Variants in GRM5 observed in about 807,000 individuals in gnomAD.
GRM5 encodes the protein metabotropic glutamate receptor 5.
Under a neutral mutation model 83.1 loss-of-function variants are expected in GRM5, and 19 were observed. That is an observed-to-expected ratio of 0.23 (90% CI 0.16 to 0.34). The LOEUF is 0.34. Ranked by LOEUF, GRM5 falls within the 10% of genes least tolerant of loss-of-function variation. GRM5 has a pLI of 1.00. For synonymous variants in GRM5, 675 were observed against 633.6 expected (o/e 1.07, Z -0.98); for missense variants, 1,160 against 1,588.3 (o/e 0.73, Z 4.58).
chr11:88,849,994 C>A lies in GRM5; in HGVS notation c.823G>T (p.Ala275Ser). The A allele has an allele frequency of 6.2e-7, 1 of 1,613,926 alleles. No individual in the cohort carries two copies. The highest frequency in any genetic ancestry group is 8.5e-7 in the Non-Finnish European group (1 of 1,179,806). The change falls in exon 3 of 10, where the codon GCC becomes TCC. Residue 275 changes from alanine (A) to serine (S), a missense_variant. By Grantham distance (99) the Ala-to-Ser change is moderately conservative. Around this residue, in one of 9 missense-constraint regions of GRM5, gnomAD observed 84 missense variants for 231.0 expected, o/e 0.36. Coordinates refer to ENST00000305447, the MANE Select transcript of GRM5 (RefSeq NM_001143831.3). The stretch of plus-strand genomic sequence containing the variant: ...ACCGTCATGCCCTCACAGAAGCAGG[C>A]CACCACCCGGGCCTTGGGCAAGTGA... ...TSHLPKARVV[A>S]CFCEGMTVRG...
chr11:88,611,920 T>C (rs956377728), intron 4 of GRM5, among the ~76,000 whole-genome samples: 10 of 152,094 alleles, frequency 6.6e-5, no homozygotes, highest in African/African-American at 2.4e-4. Context: ...TGGTATGTTA[T>C]GCCTTTGTTT....
intron 2 of GRM5, chr11:88,984,965 A>T: frequency 1.8e-6 from 1 of 570,310 alleles, no homozygotes; most frequent in East Asian, 2.9e-5. Flanking sequence ...TTCTAATCAC[A>T]GTATTATGTG....
At chr11:88,880,640 G>A (rs372860574) in intron 2 of GRM5, among the ~76,000 whole-genome samples, 2 of 152,124 alleles carry the variant, frequency 1.3e-5, no homozygotes, top group Admixed American at 1.3e-4. Context: ...CTGGTCCATT[G>A]TGTTTCCCAC....
chr11:89,050,530 G>A (rs1270348911), intron 1 of GRM5, among the ~76,000 whole-genome samples: 1 of 152,094 alleles, frequency 6.6e-6, no homozygotes, highest in African/African-American at 2.4e-5. Flanking sequence ...GGTCTTTGAG[G>A]AATCACCACG....
intron 2 of GRM5, among the ~76,000 whole-genome samples, chr11:88,962,221 C>T (rs1938806884): frequency 6.6e-6 from 1 of 152,190 alleles, no homozygotes; most frequent in Non-Finnish European, 1.5e-5. Context: ...CTCACCAATA[C>T]ACTTATGCAT....
intron 8 of GRM5, among the ~76,000 whole-genome samples, chr11:88,545,719 C>T (rs1023700568): frequency 6.6e-6 from 1 of 152,088 alleles, no homozygotes; most frequent in East Asian, 1.9e-4. Context: ...CGTGATTTCT[C>T]ACCTATCCTG....
intron 3 of GRM5, among the ~76,000 whole-genome samples, chr11:88,780,702 A>ATGT (rs1186430046): frequency 6.6e-6 from 1 of 151,518 alleles, no homozygotes; most frequent in East Asian, 1.9e-4. Flanking sequence ...TTATTAAAAA[A>ATGT]TGTTGTAAAG....
Position 88,505,600 on chromosome 11 carries a change from C to T in GRM5, c.*2992G>A, listed in dbSNP as rs963640741. ...CCATCCCTAGCCCAGAAAGACGGTT[C>T]TTCCCAATCCAGATATGTTCTTCTT... On this transcript the variant is annotated 3_prime_UTR_variant, in exon 10 of 10. Transcript: ENST00000305447. 2 of 152,190 alleles carry T rather than the reference C, an allele frequency of 1.3e-5. No homozygotes were observed. Among genetic ancestry groups the T allele is most frequent in the Non-Finnish European group, 2.9e-5 (2 of 68,022 alleles). The allele number at this position is 152,190 out of a possible 1,614,324, so 9.4% of individuals were successfully genotyped here. A position where few individuals can be genotyped will look rare whatever the true frequency, so the allele number is the denominator to read the frequency against.
chr11:88,851,488 T>C (rs148329681), intron 2 of GRM5, among the ~76,000 whole-genome samples: 109 of 152,302 alleles, frequency 7.2e-4, no homozygotes, highest in Middle Eastern at 3.4e-3. Context: ...TCCACAACAA[T>C]TTGATTTTGG....
At chr11:88,780,326 A>G (rs1164629595) in intron 3 of GRM5, among the ~76,000 whole-genome samples, 2 of 152,192 alleles carry the variant, frequency 1.3e-5, no homozygotes, top group Non-Finnish European at 2.9e-5. Context: ...ATATTTATAA[A>G]TGCAACAAGT....
rs1050646423 is a variant in GRM5, at chr11:88,988,884, C to T, written c.661+58328G>A. Among the ~76,000 whole-genome samples, 125 of 146,532 alleles carry T rather than the reference C, an allele frequency of 8.5e-4. 1 individual carries two copies. The South Asian group carries it at 0.02, about 24-fold the overall frequency. On this transcript the variant is annotated intron_variant, in intron 2 of 9. Coordinates refer to ENST00000305447, the MANE Select transcript of GRM5 (RefSeq NM_001143831.3). Reference sequence around the variant, plus strand: ...AGTGCTAAACATGGAAAGGAACAACCGGTACCAGCCGCTGCAAAATCATGC... The same window carrying T: ...AGTGCTAAACATGGAAAGGAACAACTGGTACCAGCCGCTGCAAAATCATGC...
intron 8 of GRM5, among the ~76,000 whole-genome samples, chr11:88,544,978 C>T (rs899115884): frequency 2.6e-5 from 4 of 152,184 alleles, no homozygotes; most frequent in African/African-American, 9.7e-5. Flanking sequence ...TACATCTTTG[C>T]CTGGGCCTTT....
chr11:88,584,781 G>A (rs1325902634), intron 7 of GRM5, among the ~76,000 whole-genome samples: 2 of 152,074 alleles, frequency 1.3e-5, no homozygotes, highest in African/African-American at 4.8e-5. Context: ...TATTCCTGGA[G>A]ATAATCACCT....
intron 2 of GRM5, among the ~76,000 whole-genome samples, chr11:88,914,908 T>A (rs557672706): frequency 1.3e-5 from 2 of 152,232 alleles, no homozygotes; most frequent in East Asian, 3.9e-4. Flanking sequence ...CATAGAAAAT[T>A]ATCTAAAATG....
At chr11:88,521,012 G>C (rs1440740369) in intron 9 of GRM5, among the ~76,000 whole-genome samples, 1 of 152,104 alleles carries the variant, frequency 6.6e-6, no homozygotes, top group Non-Finnish European at 1.5e-5. Flanking sequence ...ACTGGAGGGG[G>C]ACTAGAGAGC....
chr11:88,521,327 G>A (rs1941682416), intron 9 of GRM5, among the ~76,000 whole-genome samples: 1 of 152,176 alleles, frequency 6.6e-6, no homozygotes, highest in African/African-American at 2.4e-5. Context: ...TGAGGCAGGA[G>A]AATCGCTTGA....
intron 3 of GRM5, among the ~76,000 whole-genome samples, chr11:88,713,854 AATT>A (rs2135387035): frequency 6.6e-6 from 1 of 152,034 alleles, no homozygotes; most frequent in Admixed American, 6.6e-5. Flanking sequence ...AATTTCCCAA[AATT>A]TTGATTGTTC....
intron 2 of GRM5, among the ~76,000 whole-genome samples, chr11:88,998,619 G>C (rs927486894): frequency 6.6e-6 from 1 of 152,128 alleles, no homozygotes; most frequent in African/African-American, 2.4e-5. Context: ...GTAAAACTAA[G>C]ATTAGAGATG....
At chr11:88,524,795 T>A (rs1224257930) in intron 9 of GRM5, among the ~76,000 whole-genome samples, 2 of 152,252 alleles carry the variant, frequency 1.3e-5, no homozygotes, top group African/African-American at 2.4e-5. Flanking sequence ...AGTCCACTAG[T>A]TTGGCAAGGC....
Sources: allele counts gnomAD v4.1 joint callset (sites outside exome capture counted in the v4.1 genomes callset), GRCh38; gene constraint gnomAD v4.1.1; regional missense constraint gnomAD v4.1.1; transcripts MANE v1.5; gene names NCBI Gene and HGNC (gene_info 2026-07-23, HGNC 2026-07-21).